BMPR1B: variants seen among roughly 807,000 people sequenced by gnomAD.
The protein encoded by BMPR1B is bone morphogenetic protein receptor type-1B.
In BMPR1B, 12 loss-of-function variants were observed where a neutral mutation model predicts 59.1. The observed-to-expected ratio is 0.20, with a 90% confidence interval of 0.13 to 0.33. The LOEUF is 0.33. BMPR1B is among the 10% of genes least tolerant of loss of function. The pLI is 1.00. For missense variants in BMPR1B, 550 were observed against 610.9 expected, an observed-to-expected ratio of 0.90 and a Z score of 1.05; for synonymous variants, 237 against 207.3, an observed-to-expected ratio of 1.14 and a Z score of -1.23.
At chr4:94,870,034 G>T (rs575889919) in intron 1 of BMPR1B, among the ~76,000 whole-genome samples, 30 of 152,280 alleles carry the variant, frequency 2.0e-4, no homozygotes, top group African/African-American at 6.7e-4. Context: ...AGTTATATTA[G>T]AGAAGAAGTT....
intron 2 of BMPR1B, among the ~76,000 whole-genome samples, chr4:94,896,133 T>C (rs531217865): frequency 3.3e-5 from 5 of 152,038 alleles, no homozygotes; most frequent in Admixed American, 6.6e-5. Flanking sequence ...AATATATCTT[T>C]GCTAATACTA....
At chr4:95,096,046 A>G (rs1730349280) in intron 3 of BMPR1B, among the ~76,000 whole-genome samples, 1 of 42,800 alleles carries the variant, frequency 2.3e-5, no homozygotes, top group South Asian at 1.0e-3. Flanking sequence ...TTTGTTCTGC[A>G]TTTTGTTTTT....
chr4:95,152,604 AT>A (rs777221649), intron 11 of BMPR1B, 38 bp from the exon 12 acceptor site: 1 of 1,158,358 alleles, frequency 8.6e-7, no homozygotes, highest in South Asian at 1.7e-5. Context: ...TTCACAGAAA[AT>A]AATAATAATA....
chr4:94,950,598 G>A (rs13140192), intron 2 of BMPR1B, among the ~76,000 whole-genome samples: 190 of 152,086 alleles, frequency 1.2e-3, no homozygotes, highest in African/African-American at 4.4e-3. Context: ...TCAGATGGTT[G>A]TAGATGTGTG....
intron 3 of BMPR1B, among the ~76,000 whole-genome samples, chr4:95,096,874 A>G (rs1579072262): frequency 7.0e-6 from 1 of 142,328 alleles, no homozygotes; most frequent in Non-Finnish European, 1.5e-5. Flanking sequence ...CTATAGTTAT[A>G]TATATATTTA....
intron 1 of BMPR1B, among the ~76,000 whole-genome samples, chr4:94,809,865 A>G (rs1210712166): frequency 6.6e-6 from 1 of 152,220 alleles, no homozygotes; most frequent in Admixed American, 6.5e-5. Context: ...AGAGTCCAGC[A>G]TTTACCCTGA....
chr4:95,112,203 T>C (rs1019377956), intron 4 of BMPR1B, among the ~76,000 whole-genome samples: 6 of 152,158 alleles, frequency 3.9e-5, no homozygotes, highest in Non-Finnish European at 7.4e-5. Flanking sequence ...TTGTTTAAAA[T>C]TATTTCCACT....
intron 6 of BMPR1B, among the ~76,000 whole-genome samples, chr4:95,119,910 A>T (rs926460302): frequency 6.6e-6 from 1 of 152,038 alleles, no homozygotes; most frequent in African/African-American, 2.4e-5. Flanking sequence ...TTCTTTTTTT[A>T]AATTTCAGAT....
chr4:94,807,075 TTTA>T (rs1452105643), intron 1 of BMPR1B, among the ~76,000 whole-genome samples: 1 of 152,144 alleles, frequency 6.6e-6, no homozygotes, highest in African/African-American at 2.4e-5. Flanking sequence ...TGGTATAATT[TTTA>T]TTATAAATGC....
At chr4:94,988,751 G>C (rs1228618824) in intron 2 of BMPR1B, among the ~76,000 whole-genome samples, 1 of 152,030 alleles carries the variant, frequency 6.6e-6, no homozygotes, top group Non-Finnish European at 1.5e-5. Flanking sequence ...GGTCCTGGGA[G>C]CCCAAATTAT....
chr4:95,079,458 C>G (rs192559538), intron 3 of BMPR1B, among the ~76,000 whole-genome samples: 1 of 16,870 alleles, frequency 5.9e-5, no homozygotes, highest in Non-Finnish European at 1.7e-4. Flanking sequence ...TGTAGAATGT[C>G]ACAATTAAGA....
At chr4:94,987,129 T>C (rs1251246919) in intron 2 of BMPR1B, among the ~76,000 whole-genome samples, 1 of 144,696 alleles carries the variant, frequency 6.9e-6, no homozygotes, top group Non-Finnish European at 1.5e-5. Flanking sequence ...TGTATATATG[T>C]ATATGTAATA....
intron 1 of BMPR1B, among the ~76,000 whole-genome samples, chr4:94,871,857 T>C (rs1247109898): frequency 6.6e-6 from 1 of 152,230 alleles, no homozygotes; most frequent in African/African-American, 2.4e-5. Flanking sequence ...TATGCATTGC[T>C]GAAATACCCC....
intron 3 of BMPR1B, among the ~76,000 whole-genome samples, chr4:94,996,871 TTAAA>T (rs1722096585): frequency 6.6e-6 from 1 of 152,216 alleles, no homozygotes; most frequent in South Asian, 2.1e-4. Context: ...AGGTAGCACT[TTAAA>T]TATGTTTCTG....
chr4:95,086,822 C>T (rs1729611083), intron 3 of BMPR1B, among the ~76,000 whole-genome samples: 2 of 152,096 alleles, frequency 1.3e-5, no homozygotes, highest in African/African-American at 2.4e-5. Flanking sequence ...TAACACACAC[C>T]TGTGTGTTCT....
chr4:94,994,066 C>T (rs964568929), intron 2 of BMPR1B, among the ~76,000 whole-genome samples: 1 of 152,104 alleles, frequency 6.6e-6, no homozygotes, highest in Non-Finnish European at 1.5e-5. Flanking sequence ...TATTTTACCA[C>T]AGGTGAAAAT....
chr4:94,842,420 A>G (rs1184180281), intron 1 of BMPR1B, among the ~76,000 whole-genome samples: 4 of 152,226 alleles, frequency 2.6e-5, no homozygotes, highest in African/African-American at 9.6e-5. Context: ...TAGATTTTCT[A>G]GAAAACCATG....
chr4:94,778,132 TAGTC>T (rs1486238225), intron 1 of BMPR1B, among the ~76,000 whole-genome samples: 1 of 152,158 alleles, frequency 6.6e-6, no homozygotes, highest in African/African-American at 2.4e-5. Context: ...GTACATCCAA[TAGTC>T]AGCTTGTGAA....
chr4:95,042,723 C>T (rs1178279262), intron 3 of BMPR1B, among the ~76,000 whole-genome samples: 1 of 152,152 alleles, frequency 6.6e-6, no homozygotes, highest in Non-Finnish European at 1.5e-5. Context: ...TCCTAGCTGT[C>T]ATCATTCTAT....
Sources: gnomAD v4.1 joint callset for allele counts (sites outside exome capture counted in the v4.1 genomes callset) on GRCh38, gnomAD v4.1.1 for gene constraint, MANE v1.5 for transcripts, NCBI Gene and HGNC (gene_info 2026-07-23, HGNC 2026-07-21) for gene names.